The following LRP1B variants were observed in gnomAD, a reference collection of about 807,000 sequenced individuals.
LRP1B encodes the protein low-density lipoprotein receptor-related protein 1B.
In LRP1B, 217 loss-of-function variants were observed where a neutral mutation model predicts 556.6. The ratio of observed to expected loss-of-function variants is 0.39; its 90% CI spans 0.35 to 0.44. LRP1B has a LOEUF of 0.44. Ranked by LOEUF, LRP1B falls within the 20% of genes least tolerant of loss-of-function variation. The pLI is 1.00. For synonymous variants in LRP1B, 2,047 were observed against 1,865.8 expected, an observed-to-expected ratio of 1.10 and a Z score of -2.50; for missense variants, 5,053 against 5,620.8, an observed-to-expected ratio of 0.90 and a Z score of 3.23.
chr2:141,521,328 A>G (rs1032402828), intron 2 of LRP1B, among the ~76,000 whole-genome samples: 1 of 152,098 alleles, frequency 6.6e-6, no homozygotes, highest in African/African-American at 2.4e-5. Flanking sequence ...TCAAGTATAT[A>G]CAATCAATAT....
chr2:141,170,221 A>G (rs978886214), intron 7 of LRP1B, among the ~76,000 whole-genome samples: 1 of 152,114 alleles, frequency 6.6e-6, no homozygotes, highest in African/African-American at 2.4e-5. Flanking sequence ...ATTGTGCGAG[A>G]GAGTCAGCTA....
intron 2 of LRP1B, among the ~76,000 whole-genome samples, chr2:141,548,623 A>AT (rs969067974): frequency 6.6e-6 from 1 of 151,962 alleles, no homozygotes; most frequent in Admixed American, 6.6e-5. Context: ...CTTGGGTAGG[A>AT]TTTTTTTTGG....
chr2:140,720,823 T>A (rs1687374697), intron 35 of LRP1B, among the ~76,000 whole-genome samples: 1 of 152,018 alleles, frequency 6.6e-6, no homozygotes, highest in African/African-American at 2.4e-5. Context: ...GAAAACAGCA[T>A]AAATATATAA....
intron 35 of LRP1B, among the ~76,000 whole-genome samples, chr2:140,718,288 A>T (rs898662449): frequency 3.3e-5 from 5 of 152,024 alleles, no homozygotes; most frequent in African/African-American, 1.2e-4. Context: ...TTAGACTAAA[A>T]GCATCGGGAT....
chr2:141,169,973 T>C (rs982770832), intron 7 of LRP1B, among the ~76,000 whole-genome samples: 2 of 152,016 alleles, frequency 1.3e-5, no homozygotes, highest in African/African-American at 4.8e-5. Flanking sequence ...CCACATTGTA[T>C]ACAGCAATGT....
intron 35 of LRP1B, among the ~76,000 whole-genome samples, chr2:140,740,834 TTCTTA>T (rs1428333773): frequency 6.6e-6 from 1 of 152,104 alleles, no homozygotes; most frequent in African/African-American, 2.4e-5. Flanking sequence ...TAATCTTCTC[TTCTTA>T]TAAGAACACC....
intron 24 of LRP1B, 120 bp downstream of exon 24, chr2:140,886,018 G>A (rs923953605): frequency 9.9e-6 from 6 of 606,644 alleles, no homozygotes; most frequent in South Asian, 7.5e-5. Context: ...CATATATGAG[G>A]GAGGGGATAA....
rs375519015 is a variant in LRP1B at position 141,574,396 on chromosome 2, C to T, written c.206-93863G>A. On this transcript the variant is annotated intron_variant, in intron 2 of 90. Coordinates refer to ENST00000389484, the MANE Select transcript of LRP1B (RefSeq NM_018557.3). ...AAGGCCTTTGATAAAATCCAACATC[C>T]CTTCATGTTAAAAACTCTTAATAAA... 3.2e-4 allele frequency among the ~76,000 whole-genome samples: 49 copies of T among 152,106 alleles called. No homozygotes were observed. The South Asian group carries it at 9.8e-3, about 31-fold the overall frequency.
rs148970581 is a variant in LRP1B at position 140,378,225 on chromosome 2, C to T, written c.10593G>A (p.Arg3531=). ...LCANGDCVSS[R]FWCDGDFDCA... Reference sequence around the variant, plus strand: ...AGTCAAAATCTCCATCACACCAAAACCTTGAAGAAACACAGTCCCCATTGG... The same window carrying T: ...AGTCAAAATCTCCATCACACCAAAATCTTGAAGAAACACAGTCCCCATTGG... The change falls in exon 68 of 91, where the codon AGG becomes AGA. Residue 3531 remains arginine (R), a synonymous_variant. Coordinates refer to ENST00000389484, the MANE Select transcript of LRP1B (RefSeq NM_018557.3). 2.2e-4 allele frequency: 363 copies of T among 1,613,804 alleles called. 2 individuals carry two copies. In the East Asian group the frequency reaches 7.2e-3, roughly 32 times the overall value.
At chr2:141,702,965 G>A (rs906251866) in intron 2 of LRP1B, among the ~76,000 whole-genome samples, 4 of 151,830 alleles carry the variant, frequency 2.6e-5, no homozygotes, top group African/African-American at 4.8e-5. Flanking sequence ...TTAAAAGAAA[G>A]TCATGCCTCA....
At chr2:140,539,038 T>C (rs1680034318) in intron 45 of LRP1B, among the ~76,000 whole-genome samples, 1 of 152,158 alleles carries the variant, frequency 6.6e-6, no homozygotes, top group African/African-American at 2.4e-5. Flanking sequence ...GCTGCCCTTA[T>C]TCTCTTGCAC....
intron 84 of LRP1B, among the ~76,000 whole-genome samples, chr2:140,295,995 A>T (rs1383299326): frequency 6.6e-6 from 1 of 152,090 alleles, no homozygotes; most frequent in Non-Finnish European, 1.5e-5. Flanking sequence ...ACAGGAAGTG[A>T]AAAAAAGGGG....
intron 2 of LRP1B, among the ~76,000 whole-genome samples, chr2:141,581,150 T>C (rs1050506098): frequency 6.6e-6 from 1 of 152,202 alleles, no homozygotes; most frequent in Admixed American, 6.5e-5. Flanking sequence ...GCACTCTCTA[T>C]GAACTTTCAC....
At chr2:140,629,665 G>A (rs747637136) in intron 41 of LRP1B, among the ~76,000 whole-genome samples, 1 of 152,080 alleles carries the variant, frequency 6.6e-6, no homozygotes, top group Non-Finnish European at 1.5e-5. Context: ...TTATGACATT[G>A]TAAGTTTACA....
chr2:141,391,025 G>A (rs187985816), intron 3 of LRP1B, among the ~76,000 whole-genome samples: 2 of 152,176 alleles, frequency 1.3e-5, no homozygotes, highest in South Asian at 2.1e-4. Context: ...TAAGGAAATG[G>A]CATTTAAATT....
At chr2:140,629,146 T>C (rs2171108) in intron 41 of LRP1B, among the ~76,000 whole-genome samples, 104,973 of 151,894 alleles carry the variant, frequency 0.69, 36,355 homozygotes, top group African/African-American at 0.73. Flanking sequence ...CTCTGCCTCC[T>C]GGGTTCAGGT....
At chr2:140,508,349 T>C (rs1689508100) in intron 52 of LRP1B, among the ~76,000 whole-genome samples, 1 of 152,278 alleles carries the variant, frequency 6.6e-6, no homozygotes, top group Non-Finnish European at 1.5e-5. Flanking sequence ...ACACATCACT[T>C]TAACACTTAA....
chr2:141,900,157 G>A (rs949752898), intron 1 of LRP1B, among the ~76,000 whole-genome samples: 1 of 152,030 alleles, frequency 6.6e-6, no homozygotes, highest in Non-Finnish European at 1.5e-5. Flanking sequence ...TGTTAAAATA[G>A]TGCTTCAAAT....
rs376077164 is a variant in LRP1B at position 140,972,876 on chromosome 2, C to T, written c.2887+9284G>A. On this transcript the variant is annotated intron_variant, in intron 18 of 90. Coordinates refer to ENST00000389484, the MANE Select transcript of LRP1B (RefSeq NM_018557.3). ...TAGTTTGTCAGTATTTATAATGACA[C>T]TATTTGGTCATAAATGAAATAAAAA... 6.1e-4 allele frequency among the ~76,000 whole-genome samples: 92 copies of T among 150,240 alleles called. 2 individuals are homozygous for T. The East Asian group carries it at 0.017, about 27-fold the overall frequency.
Sources: gnomAD v4.1 joint callset for allele counts (sites outside exome capture counted in the v4.1 genomes callset) on GRCh38, gnomAD v4.1.1 for gene constraint, MANE v1.5 for transcripts, NCBI Gene and HGNC (gene_info 2026-07-23, HGNC 2026-07-21) for gene names.